The following DLG2 variants were observed in gnomAD, a reference collection of about 807,000 sequenced individuals.
DLG2 encodes disks large homolog 2.
Under a neutral mutation model 132.5 loss-of-function variants are expected in DLG2, and 45 were observed. The ratio of observed to expected loss-of-function variants is 0.34; its 90% CI spans 0.27 to 0.44. The LOEUF is 0.44. Ranked by LOEUF, DLG2 falls within the 20% of genes least tolerant of loss-of-function variation. The pLI is 1.00. For synonymous variants in DLG2, 424 were observed against 419.6 expected (o/e 1.01, Z -0.13); for missense variants, 1,045 against 1,196.9 (o/e 0.87, Z 1.87).
At chr11:85,445,604 TG>T (rs1395322444) in intron 3 of DLG2, among the ~76,000 whole-genome samples, 1 of 152,062 alleles carries the variant, frequency 6.6e-6, no homozygotes, top group Non-Finnish European at 1.5e-5. Context: ...CGCCTGAACC[TG>T]GGAGGTGGAG....
In DLG2 at chr11:85,073,892, T is replaced by C. The variant is rs190272031; in HGVS notation, c.357+37769A>G. On this transcript the variant is annotated intron_variant, in intron 6 of 27. Transcript: ENST00000376104. ...CTGGATAAAGAATCTGTGGTATATA[T>C]ACACCATGGAGTACTATGCAGCCAT... Among the ~76,000 whole-genome samples, 3 of 151,944 alleles carry C rather than the reference T, an allele frequency of 2.0e-5. No homozygotes were observed. In the East Asian group the frequency reaches 5.8e-4, roughly 30 times the overall value.
chr11:83,569,963 T>C (rs2096771119), intron 19 of DLG2, among the ~76,000 whole-genome samples: 1 of 152,168 alleles, frequency 6.6e-6, no homozygotes, highest in Admixed American at 6.5e-5. Context: ...AGTCAGACTT[T>C]CCATCACACT....
intron 9 of DLG2, among the ~76,000 whole-genome samples, chr11:84,155,659 T>C (rs2095413951): frequency 6.6e-6 from 1 of 152,042 alleles, no homozygotes; most frequent in African/African-American, 2.4e-5. Context: ...CTTATTTTTC[T>C]TCTCAAATTA....
intron 7 of DLG2, among the ~76,000 whole-genome samples, chr11:84,502,517 T>A (rs560645629): frequency 1.4e-4 from 21 of 150,582 alleles, no homozygotes; most frequent in Admixed American, 4.0e-4. Context: ...TTATTCAGCT[T>A]CCCAAGTAGC....
intron 6 of DLG2, among the ~76,000 whole-genome samples, chr11:85,067,663 A>C (rs534931843): frequency 1.3e-5 from 2 of 152,060 alleles, no homozygotes; most frequent in South Asian, 4.1e-4. Context: ...CAATCAAAAA[A>C]AGTCCAGGAC....
chr11:85,278,611 A>C (rs1275258169), intron 4 of DLG2, among the ~76,000 whole-genome samples: 3 of 152,102 alleles, frequency 2.0e-5, no homozygotes, highest in African/African-American at 7.2e-5. Flanking sequence ...AAAGAAAAAA[A>C]AAAGAGCCTA....
At chr11:84,212,482 G>A (rs920042932) in intron 8 of DLG2, among the ~76,000 whole-genome samples, 13 of 152,170 alleles carry the variant, frequency 8.5e-5, no homozygotes, top group African/African-American at 3.1e-4. Flanking sequence ...TTGCTTAAAG[G>A]AAAATCTGCC....
chr11:83,521,050 T>G (rs2095467371), intron 21 of DLG2, among the ~76,000 whole-genome samples: 1 of 152,170 alleles, frequency 6.6e-6, no homozygotes, highest in Admixed American at 6.5e-5. Flanking sequence ...GGCTCAGGCG[T>G]CCTTGTTTTC....
At chr11:85,489,852 T>G (rs889215688) in intron 3 of DLG2, among the ~76,000 whole-genome samples, 1 of 151,466 alleles carries the variant, frequency 6.6e-6, no homozygotes, top group Admixed American at 6.6e-5. Flanking sequence ...GGAATTTTTT[T>G]AATGTTTTCA....
At chr11:83,759,336 C>G (rs140332292) in intron 18 of DLG2, among the ~76,000 whole-genome samples, 2 of 152,260 alleles carry the variant, frequency 1.3e-5, no homozygotes, top group Non-Finnish European at 1.5e-5. Flanking sequence ...AAGGCACATG[C>G]ATGAGCATAG....
At chr11:84,820,579 C>T (rs2077558579) in intron 6 of DLG2, among the ~76,000 whole-genome samples, 1 of 151,836 alleles carries the variant, frequency 6.6e-6, no homozygotes, top group African/African-American at 2.4e-5. Context: ...GAAATTTGTA[C>T]TCCAGCCATA....
intron 3 of DLG2, among the ~76,000 whole-genome samples, chr11:85,343,920 G>T (rs1378398197): frequency 6.6e-6 from 1 of 152,126 alleles, no homozygotes; most frequent in Admixed American, 6.6e-5. Context: ...AGAAAATTAG[G>T]ATACAGATGC....
chr11:85,052,135 T>G (rs960603050), intron 6 of DLG2, among the ~76,000 whole-genome samples: 2 of 152,100 alleles, frequency 1.3e-5, no homozygotes, highest in Admixed American at 6.6e-5. Context: ...GCAAGAAAAG[T>G]GAAGAGAATG....
intron 6 of DLG2, among the ~76,000 whole-genome samples, chr11:85,108,894 A>G (rs2072249946): frequency 6.6e-6 from 1 of 152,156 alleles, no homozygotes; most frequent in Admixed American, 6.6e-5. Flanking sequence ...ACAGACTCCA[A>G]GAGAGTTTTG....
chr11:85,312,525 T>C (rs1292938734), intron 3 of DLG2, among the ~76,000 whole-genome samples: 2 of 151,874 alleles, frequency 1.3e-5, no homozygotes, highest in African/African-American at 2.4e-5. Flanking sequence ...ATTGTTTTTA[T>C]TGAGATATCA....
intron 18 of DLG2, among the ~76,000 whole-genome samples, chr11:83,713,046 A>C (rs2085850373): frequency 6.6e-6 from 1 of 152,216 alleles, no homozygotes; most frequent in East Asian, 1.9e-4. Flanking sequence ...CAAACTGAGA[A>C]TATACAAAAA....
chr11:84,574,242 A>C (rs2154528184), intron 6 of DLG2, among the ~76,000 whole-genome samples: 1 of 152,238 alleles, frequency 6.6e-6, no homozygotes, highest in African/African-American at 2.4e-5. Flanking sequence ...GAGAAGAGAA[A>C]GGTCTCTATA....
chr11:85,292,847 C>A (rs1280440265), intron 3 of DLG2, among the ~76,000 whole-genome samples: 2 of 151,766 alleles, frequency 1.3e-5, no homozygotes, highest in Non-Finnish European at 2.9e-5. Context: ...TTAAAAAGAA[C>A]CAAGGCTTTT....
intron 6 of DLG2, among the ~76,000 whole-genome samples, chr11:84,860,734 A>G (rs1363999733): frequency 6.6e-6 from 1 of 152,098 alleles, no homozygotes; most frequent in East Asian, 1.9e-4. Context: ...GCAAGTAGCT[A>G]ATGTTTTGGA....
Sources: allele counts gnomAD v4.1 joint callset (sites outside exome capture counted in the v4.1 genomes callset), GRCh38; gene constraint gnomAD v4.1.1; transcripts MANE v1.5; gene names NCBI Gene and HGNC (gene_info 2026-07-23, HGNC 2026-07-21).